C8orf90: variants seen among roughly 807,000 people sequenced by gnomAD.
C8orf90 encodes uncharacterized protein C8orf90.
the C8orf90 span, chr8:141,518,489 C>A: frequency 1.6e-6 from 1 of 632,114 alleles, no homozygotes; most frequent in South Asian, 1.7e-5. Flanking sequence ...TCGCCCCCAG[C>A]GCTGCTGCGG....
the C8orf90 span, among the ~76,000 whole-genome samples, chr8:141,517,424 G>A: frequency 2.6e-5 from 4 of 152,262 alleles, no homozygotes; most frequent in African/African-American, 7.2e-5. Flanking sequence ...AAGAAGGAAT[G>A]TAGGGGTCTC....
chr8:141,516,555 C>T, the C8orf90 span, among the ~76,000 whole-genome samples: 1 of 152,146 alleles, frequency 6.6e-6, no homozygotes, highest in Non-Finnish European at 1.5e-5. Context: ...CTCTTGGTGC[C>T]CTCACTGGCT....
the C8orf90 span, among the ~76,000 whole-genome samples, chr8:141,515,597 C>T: frequency 6.6e-6 from 1 of 152,030 alleles, no homozygotes; most frequent in Non-Finnish European, 1.5e-5. Context: ...CTTGCCCCAG[C>T]TCCTGCCCTC....
chr8:141,515,423 C>T, the C8orf90 span, among the ~76,000 whole-genome samples: 1 of 145,554 alleles, frequency 6.9e-6, no homozygotes, highest in South Asian at 2.2e-4. Flanking sequence ...CTCCTAAAGA[C>T]CCTGGCCCCT....
At chr8:141,515,946 C>A in the C8orf90 span, among the ~76,000 whole-genome samples, 1 of 152,224 alleles carries the variant, frequency 6.6e-6, no homozygotes, top group Non-Finnish European at 1.5e-5. Context: ...TCGTCTCTCT[C>A]CTCACACTGT....
the C8orf90 span, chr8:141,518,345 G>A: frequency 7.4e-6 from 5 of 673,484 alleles, no homozygotes; most frequent in Admixed American, 6.4e-5. Context: ...TTCGCCATCC[G>A]CGTGCTCACC....
At chr8:141,518,368 C>T in the C8orf90 span, 2 of 677,066 alleles carry the variant, frequency 3.0e-6, no homozygotes, top group Non-Finnish European at 5.3e-6. Flanking sequence ...GAACTTCACG[C>T]TGCCCTTCCC....
At chr8:141,518,227 C>A in the C8orf90 span, 3 of 600,718 alleles carry the variant, frequency 5.0e-6, no homozygotes, top group Non-Finnish European at 8.9e-6. Context: ...TCCCGCGGCG[C>A]CCCCGGAGCC....
At chr8:141,518,222 C>T in the C8orf90 span, 1 of 589,640 alleles carries the variant, frequency 1.7e-6, no homozygotes, top group South Asian at 1.9e-5. Flanking sequence ...GCAGGTCCCG[C>T]GGCGCCCCCG....
At chr8:141,516,322 T>C in the C8orf90 span, among the ~76,000 whole-genome samples, 1 of 152,182 alleles carries the variant, frequency 6.6e-6, no homozygotes, top group South Asian at 2.1e-4. Context: ...GAAGGTCATT[T>C]GTCTTTGCTG....
At chr8:141,516,836 C>T in the C8orf90 span, among the ~76,000 whole-genome samples, 1 of 152,190 alleles carries the variant, frequency 6.6e-6, no homozygotes, top group Non-Finnish European at 1.5e-5. Context: ...ATTGATCAAA[C>T]AGGCTGGTCA....
At chr8:141,516,866 T>G in the C8orf90 span, among the ~76,000 whole-genome samples, 1 of 152,214 alleles carries the variant, frequency 6.6e-6, no homozygotes, top group African/African-American at 2.4e-5. Flanking sequence ...CATCTGCAAC[T>G]GCAGCAGAAC....
the C8orf90 span, chr8:141,518,338 G>C: frequency 1.5e-6 from 1 of 672,650 alleles, no homozygotes; most frequent in Non-Finnish European, 2.7e-6. Flanking sequence ...GGACGACTTC[G>C]CCATCCGCGT....
the C8orf90 span, chr8:141,514,750 T>C: frequency 2.9e-6 from 2 of 701,240 alleles, no homozygotes; most frequent in Non-Finnish European, 2.6e-6. Context: ...CCCCTCCTTC[T>C]GTAGCCACTC....
chr8:141,518,479 T>C, the C8orf90 span: 1 of 644,462 alleles, frequency 1.6e-6, no homozygotes. Flanking sequence ...CCCCGGAGCT[T>C]CGCCCCCAGC....
the C8orf90 span, chr8:141,518,344 C>T: frequency 3.0e-6 from 2 of 674,694 alleles, no homozygotes; most frequent in Non-Finnish European, 5.4e-6. Flanking sequence ...CTTCGCCATC[C>T]GCGTGCTCAC....
chr8:141,518,231 C>G, the C8orf90 span: 9 of 609,554 alleles, frequency 1.5e-5, no homozygotes, highest in Non-Finnish European at 2.0e-5. Flanking sequence ...GCGGCGCCCC[C>G]GGAGCCCGCC....
the C8orf90 span, chr8:141,518,245 C>T: frequency 1.6e-6 from 1 of 629,470 alleles, no homozygotes; most frequent in Non-Finnish European, 2.9e-6. Context: ...GCCCGCCTTC[C>T]CGGACATCTA....
At chr8:141,518,206 C>T in the C8orf90 span, 8 of 575,008 alleles carry the variant, frequency 1.4e-5, no homozygotes, top group African/African-American at 1.6e-4. Flanking sequence ...ACTGTCCCCT[C>T]CGCCCGCAGG....
Sources: allele counts gnomAD v4.1 joint callset (sites outside exome capture counted in the v4.1 genomes callset), GRCh38; gene constraint gnomAD v4.1.1; transcripts MANE v1.5; gene names NCBI Gene and HGNC (gene_info 2026-07-23, HGNC 2026-07-21).